TRAPPC3L: variants seen among roughly 807,000 people sequenced by gnomAD.
TRAPPC3L encodes the protein trafficking protein particle complex subunit 3-like protein.
TRAPPC3L carries 23 observed loss-of-function variants against 23.7 expected under a neutral mutation model. The observed-to-expected ratio is 0.97, with a 90% CI of 0.70 to 1.37. The LOEUF (loss-of-function observed/expected upper bound fraction) is 1.37. Among genes scored for constraint, TRAPPC3L ranks in the 40% most tolerant of loss-of-function variants. The probability of loss-of-function intolerance (pLI) is 0.00; values close to 1 mark genes in which losing one functional copy is unlikely to be tolerated. For missense variants in TRAPPC3L, 212 were observed against 216.8 expected (o/e 0.98, Z 0.14); for synonymous variants, 81 against 77.9 (o/e 1.04, Z -0.21).
intron 3 of TRAPPC3L, among the ~76,000 whole-genome samples, chr6:116,504,312 C>T (rs922798679): frequency 1.3e-5 from 2 of 152,142 alleles, no homozygotes; most frequent in East Asian, 3.9e-4. Context: ...ACACATACAC[C>T]CTCCCAAGAC....
chr6:116,514,312 A>T (rs1772180304), intron 3 of TRAPPC3L, among the ~76,000 whole-genome samples: 1 of 152,202 alleles, frequency 6.6e-6, no homozygotes, highest in Admixed American at 6.5e-5. Flanking sequence ...AAAGAGGAAG[A>T]CAGACGATGA....
chr6:116,538,553 A>C (rs941657017), intron 3 of TRAPPC3L, among the ~76,000 whole-genome samples: 11 of 152,194 alleles, frequency 7.2e-5, no homozygotes, highest in African/African-American at 1.9e-4. Flanking sequence ...TTATGCTAAC[A>C]TATCTTTAGA....
chr6:116,503,555 A>T (rs1771954773), intron 3 of TRAPPC3L, among the ~76,000 whole-genome samples: 1 of 152,220 alleles, frequency 6.6e-6, no homozygotes, highest in African/African-American at 2.4e-5. Context: ...TCTCCACCTC[A>T]AATCAACAGA....
rs1771838071 is a variant in TRAPPC3L, at chr6:116,496,731, TATTTGC to T, written c.*217_*222del. 1 of 498,580 alleles carries T rather than the reference TATTTGC, an allele frequency of 2.0e-6. No homozygotes were observed. The highest frequency in any genetic ancestry group is 2.9e-5 in the South Asian group (1 of 34,090). 30.9% of individuals were successfully genotyped at this position (498,580 alleles called of 1,614,324 possible). A position where few individuals can be genotyped will look rare whatever the true frequency, so the allele number is the denominator to read the frequency against. On this transcript the variant is annotated 3_prime_UTR_variant, in exon 5 of 5. Coordinates refer to ENST00000368602, the MANE Select transcript of TRAPPC3L (RefSeq NM_001139444.3). ...TCCTGCCTGCTATCTTGTAAGGAGCTATTTGCATATGAAATTTTGTGGACATGAGAT... is the reference window on the plus strand; with the variant it reads ...TCCTGCCTGCTATCTTGTAAGGAGCTATATGAAATTTTGTGGACATGAGAT...
At chr6:116,511,738 G>A in intron 3 of TRAPPC3L, 1 of 1,613,912 alleles carries the variant, frequency 6.2e-7, no homozygotes, top group Non-Finnish European at 8.5e-7. Flanking sequence ...TCCTTAATCA[G>A]AAAACTGTTA....
At position 116,496,751 on chromosome 6, in the gene TRAPPC3L, TG is replaced by T; in HGVS notation, c.*202del. On this transcript the variant is annotated 3_prime_UTR_variant, in exon 5 of 5. Transcript: ENST00000368602. ...GGAGCTATTTGCATATGAAATTTTG[TG>T]GACATGAGATTGAAAATGCGTGATT... The T allele has an allele frequency of 3.3e-6, 2 of 612,990 alleles. No individual in the cohort carries two copies. Among genetic ancestry groups the T allele is most frequent in the Non-Finnish European group, 5.1e-6 (2 of 394,258 alleles). The allele number at this position is 612,990 out of a possible 1,614,324, so 38.0% of individuals were successfully genotyped here.
intron 3 of TRAPPC3L, chr6:116,511,890 T>G (rs140516625): frequency 6.2e-7 from 1 of 1,613,952 alleles, no homozygotes. Flanking sequence ...TTACTGATCC[T>G]GGGATTCTTT....
chr6:116,503,993 G>T (rs558037258), intron 3 of TRAPPC3L, among the ~76,000 whole-genome samples: 20 of 152,274 alleles, frequency 1.3e-4, no homozygotes, highest in Non-Finnish European at 2.5e-4. Context: ...AAACTCGAAA[G>T]CTAGTAGAAG....
intron 1 of TRAPPC3L, among the ~76,000 whole-genome samples, chr6:116,544,106 C>G (rs551287823): frequency 6.9e-5 from 10 of 145,596 alleles, no homozygotes; most frequent in Non-Finnish European, 1.2e-4. Context: ...AGACAAAGTG[C>G]TGCCATGTAC....
At chr6:116,523,101 A>C (rs1396937095) in intron 3 of TRAPPC3L, 13 of 151,962 alleles carry the variant, frequency 8.6e-5, no homozygotes, top group Admixed American at 8.5e-4. Flanking sequence ...TAGGGACTAC[A>C]TCTTGAAAAT....
At chr6:116,515,973 C>T (rs1296659576) in intron 3 of TRAPPC3L, 3 of 1,600,904 alleles carry the variant, frequency 1.9e-6, no homozygotes, top group Non-Finnish European at 2.6e-6. Context: ...CTTGTGGGTA[C>T]TGCCCACAAT....
At position 116,495,194 on chromosome 6, in the gene TRAPPC3L, T is replaced by A. The variant is rs946800746; in HGVS notation, c.*1760A>T. The A allele has an allele frequency of 2.0e-5, 3 of 151,328 alleles. No individual in the cohort carries two copies. Among genetic ancestry groups the A allele is most frequent in the Admixed American group, 2.0e-4 (3 of 15,138 alleles). The allele number at this position is 151,328 out of a possible 1,614,324, so 9.4% of individuals were successfully genotyped here. ...TACCCTTCCCAGCCTCTGATATCCA[T>A]CATTTTACTCCATATCTCCATGAGT... On this transcript the variant is annotated 3_prime_UTR_variant, in exon 5 of 5. Coordinates refer to ENST00000368602, the MANE Select transcript of TRAPPC3L (RefSeq NM_001139444.3).
In TRAPPC3L at chr6:116,543,349, T is replaced by C. The variant is rs1391745393; in HGVS notation, c.94A>G (p.Lys32Glu). 10 of 1,550,028 alleles carry C rather than the reference T, an allele frequency of 6.5e-6. No homozygotes were observed. Among genetic ancestry groups the C allele is most frequent in the Non-Finnish European group, 8.7e-6 (10 of 1,145,760 alleles). ...ACATCTTCATCCTTCTCATAATCCT[T>C]ACACAGCTGGGCAACCAGAGCTCCA... ...TYGALVAQLC[K>E]DYEKDEDVNQ... Residue 32 changes from lysine to glutamate, a missense_variant, in exon 2 of 5, where the codon AAG becomes GAG. Physicochemically the swap from Lys to Glu is moderately conservative, Grantham distance 56 (BLOSUM62 1). Transcript: ENST00000368602.
At chr6:116,506,116 C>A (rs1442365421) in intron 3 of TRAPPC3L, among the ~76,000 whole-genome samples, 1 of 152,138 alleles carries the variant, frequency 6.6e-6, no homozygotes, top group African/African-American at 2.4e-5. Flanking sequence ...TTGCAATCTA[C>A]CCATCTGGCA....
chr6:116,515,555 T>C (rs1417857483), intron 3 of TRAPPC3L: 6 of 1,545,504 alleles, frequency 3.9e-6, no homozygotes, highest in Admixed American at 2.0e-5. Flanking sequence ...GCTCCCTAAA[T>C]GGCTTTGCTT....
At chr6:116,545,100 T>C (rs1360277271) in intron 1 of TRAPPC3L, among the ~76,000 whole-genome samples, 1 of 150,614 alleles carries the variant, frequency 6.6e-6, no homozygotes, top group African/African-American at 2.4e-5. Context: ...ACTATATATA[T>C]ACACACATAT....
At chr6:116,500,140 A>G (rs927608448) in intron 4 of TRAPPC3L, among the ~76,000 whole-genome samples, 7 of 152,188 alleles carry the variant, frequency 4.6e-5, no homozygotes, top group African/African-American at 1.4e-4. Context: ...CCAGCAAGGC[A>G]CTGGGGCTGT....
chr6:116,521,443 A>G (rs1465772533), intron 3 of TRAPPC3L: 1 of 152,098 alleles, frequency 6.6e-6, no homozygotes, highest in East Asian at 1.9e-4. Context: ...GGGCCAATAG[A>G]TAAGGAGAAT....
chr6:116,537,335 TA>T (rs1419086476), intron 3 of TRAPPC3L, among the ~76,000 whole-genome samples: 3 of 152,192 alleles, frequency 2.0e-5, no homozygotes, highest in Admixed American at 6.5e-5. Context: ...ATTTTTCTAA[TA>T]GGGGAGAATC....
Sources: allele counts gnomAD v4.1 joint callset (sites outside exome capture counted in the v4.1 genomes callset), GRCh38; gene constraint gnomAD v4.1.1; transcripts MANE v1.5; gene names NCBI Gene and HGNC (gene_info 2026-07-23, HGNC 2026-07-21).